Variants in DHRS9 observed in about 807,000 individuals in gnomAD.
DHRS9 encodes the protein dehydrogenase/reductase SDR family member 9.
Under a neutral mutation model 26.6 loss-of-function variants are expected in DHRS9, and 18 were observed. That is an observed-to-expected ratio of 0.68 (90% CI 0.47 to 1.00). The LOEUF (loss-of-function observed/expected upper bound fraction) is 1.00, where lower values mean the gene tolerates loss of function less well. DHRS9 is among the 50% of genes least tolerant of loss of function. The pLI, the probability that DHRS9 is intolerant of heterozygous loss-of-function variation, is 0.00. For missense variants in DHRS9, 425 were observed against 378.7 expected (o/e 1.12, Z -1.01); for synonymous variants, 134 against 141.1 (o/e 0.95, Z 0.36).
intron 1 of DHRS9, among the ~76,000 whole-genome samples, chr2:169,074,026 A>G (rs1683888646): frequency 2.6e-5 from 4 of 152,172 alleles, no homozygotes; most frequent in Admixed American, 2.6e-4. Flanking sequence ...TAAACATGCT[A>G]AATGCACAGG....
At chr2:169,072,155 T>C (rs1683827132) in intron 1 of DHRS9, among the ~76,000 whole-genome samples, 3 of 152,184 alleles carry the variant, frequency 2.0e-5, no homozygotes, top group Non-Finnish European at 4.4e-5. Context: ...TCAGTGGCTT[T>C]CAGTATTCAG....
At chr2:169,068,908 T>C (rs7606546), upstream of DHRS9, among the ~76,000 whole-genome samples, 1,735 of 152,248 alleles carry the variant, frequency 0.011, 28 homozygotes, top group African/African-American at 0.036. Context: ...GCCTCAGTAC[T>C]TTCCACTGTG....
Position 169,081,548 on chromosome 2 carries a change from G to T in DHRS9, c.-34G>T, listed in dbSNP as rs1490653139. ...GACACCATCTTCTTGTATTATACAA[G>T]AAAGGAGTGTACCTATCACACACAG... is the stretch of plus-strand genomic sequence containing the variant. On this transcript the variant is annotated 5_prime_UTR_variant, in exon 2 of 5. Transcript: ENST00000674881. 18 of 1,591,990 alleles carry T rather than the reference G, an allele frequency of 1.1e-5. No individual in the cohort carries two copies. The highest frequency in any genetic ancestry group is 1.5e-5 in the Non-Finnish European group (18 of 1,172,410).
At position 169,079,892 on chromosome 2, in the gene DHRS9, AGAGAGG is replaced by A. The variant is rs1330264952; in HGVS notation, c.-59-1627_-59-1622del. Among the ~76,000 whole-genome samples the A allele has an allele frequency of 1.0e-3, 98 of 97,014 alleles. 3 individuals are homozygous for A. Among genetic ancestry groups the A allele is most frequent in the African/African-American group, 4.5e-3 (89 of 19,682 alleles). 63.6% of individuals were successfully genotyped at this position (97,014 alleles called of 152,430 possible). On this transcript the variant is annotated intron_variant, in intron 1 of 4. Coordinates refer to ENST00000674881, the MANE Select transcript of DHRS9 (RefSeq NM_001376924.1). ...AAGAAAGAAAGAAAGAAAGAGAGAGAGAGAGGGAGGGAGGGAGGGAGGGAGGGGGAG... is the reference window on the plus strand; with the variant it reads ...AAGAAAGAAAGAAAGAAAGAGAGAGAGAGGGAGGGAGGGAGGGAGGGGGAG...
chr2:169,091,075 A>G (rs999334565), intron 3 of DHRS9, among the ~76,000 whole-genome samples: 1 of 152,048 alleles, frequency 6.6e-6, no homozygotes, highest in African/African-American at 2.4e-5. Flanking sequence ...TTGACATAGG[A>G]TATTTTCAAC....
rs749112917 is a variant in DHRS9, at chr2:169,091,891, C to T, written c.674C>T (p.Ala225Val). The stretch of plus-strand genomic sequence containing the variant: ...GTAAAGGTAATTGAAAAAAAACTCG[C>T]CATTTGGGAGCAGCTGTCTCCAGAC... ...DPVKVIEKKL[A>V]IWEQLSPDIK... is the part of the protein sequence containing the mutation. Residue 225 changes from alanine to valine, a missense_variant, in exon 4 of 5, where the codon GCC (alanine) becomes GTC (valine). By Grantham distance (64) the Ala-to-Val change is moderately conservative (BLOSUM62 0). Coordinates refer to ENST00000674881, the MANE Select transcript of DHRS9 (RefSeq NM_001376924.1). 1.2e-6 allele frequency: 2 copies of T among 1,613,868 alleles called. No individual in the cohort carries two copies. Among genetic ancestry groups the T allele is most frequent in the Admixed American group, 1.7e-5 (1 of 59,956 alleles).
chr2:169,080,353 A>G (rs1002831535), intron 1 of DHRS9, among the ~76,000 whole-genome samples: 11 of 152,252 alleles, frequency 7.2e-5, no homozygotes, highest in South Asian at 2.1e-4. Context: ...CAGAGAGCCA[A>G]CACAGACCTG....
At chr2:169,081,426 C>A in intron 1 of DHRS9, 97 bp from the exon 2 acceptor site, 1 of 1,338,930 alleles carries the variant, frequency 7.5e-7, no homozygotes, top group South Asian at 1.7e-5. Context: ...TCTATTTATC[C>A]ACACTAATGC....
chr2:169,067,630 AT>A (rs367555525), upstream of DHRS9, among the ~76,000 whole-genome samples: 533 of 150,088 alleles, frequency 3.6e-3, 3 homozygotes, highest in African/African-American at 0.012. Flanking sequence ...TTGGTTCCAG[AT>A]TTTTTTTTTA....
chr2:169,084,216 G>T (rs564096582), intron 3 of DHRS9, among the ~76,000 whole-genome samples: 1 of 152,110 alleles, frequency 6.6e-6, no homozygotes, highest in Admixed American at 6.5e-5. Context: ...TATATATACT[G>T]CATTTTCCTT....
intron 1 of DHRS9, among the ~76,000 whole-genome samples, chr2:169,069,960 CT>C (rs1228137144): frequency 6.6e-6 from 1 of 152,148 alleles, no homozygotes; most frequent in Non-Finnish European, 1.5e-5. Flanking sequence ...TTTGAATGTC[CT>C]TTAGCACCCT....
At chr2:169,094,878 C>A (rs1194714878) in intron 4 of DHRS9, among the ~76,000 whole-genome samples, 1 of 152,126 alleles carries the variant, frequency 6.6e-6, no homozygotes, top group Non-Finnish European at 1.5e-5. Context: ...CTAAAGGTAT[C>A]TTCGCTCATT....
At position 169,095,980 on chromosome 2, in the gene DHRS9, A is replaced by G. The variant is rs1684687046; in HGVS notation, c.*213A>G. On this transcript the variant is annotated 3_prime_UTR_variant, in exon 5 of 5. Coordinates refer to ENST00000674881, the MANE Select transcript of DHRS9 (RefSeq NM_001376924.1). ...AAGGAGGGCTGGAATGGTACATCACATAGGCAAGTCCTGCCCTGTATTTAG... is the reference window on the plus strand; with the variant it reads ...AAGGAGGGCTGGAATGGTACATCACGTAGGCAAGTCCTGCCCTGTATTTAG... 10 of 582,932 alleles carry G rather than the reference A, an allele frequency of 1.7e-5. No homozygotes were observed. The highest frequency in any genetic ancestry group is 3.1e-5 in the Non-Finnish European group (10 of 326,628). 36.1% of individuals were successfully genotyped at this position (582,932 alleles called of 1,614,324 possible).
At chr2:169,082,791 T>C (rs1684230043) in intron 2 of DHRS9, among the ~76,000 whole-genome samples, 1 of 144,966 alleles carries the variant, frequency 6.9e-6, no homozygotes, top group African/African-American at 2.6e-5. Context: ...GCAGGAAAAA[T>C]AGATCAATTT....
Position 169,095,537 on chromosome 2 carries a change from T to C in DHRS9, c.737-7T>C. Reference sequence around the variant, plus strand: ...CAAAGAGTAAATGTACTTTTGTCTCTTTTTAGGTCTAGACAAACTGAAAGG... The same window carrying C: ...CAAAGAGTAAATGTACTTTTGTCTCCTTTTAGGTCTAGACAAACTGAAAGG... On this transcript the variant is annotated splice_region_variant and splice_polypyrimidine_tract_variant and intron_variant, in intron 4 of 4. Transcript: ENST00000674881. 6.2e-7 allele frequency: 1 copy of C among 1,611,234 alleles called. No individual in the cohort carries two copies. Among genetic ancestry groups the C allele is most frequent in the Non-Finnish European group, 8.5e-7 (1 of 1,177,468 alleles).
upstream of DHRS9, chr2:169,067,167 C>G (rs1161447809): frequency 6.5e-7 from 1 of 1,535,610 alleles, no homozygotes; most frequent in South Asian, 1.2e-5. Context: ...GAAGAAGCCA[C>G]TGTGCATGCT....
chr2:169,087,982 C>G (rs539149095), intron 3 of DHRS9, among the ~76,000 whole-genome samples: 2 of 152,100 alleles, frequency 1.3e-5, no homozygotes, highest in Non-Finnish European at 2.9e-5. Context: ...CAAGCACTCT[C>G]CTGGCTGCCC....
At chr2:169,075,164 A>C (rs1290364458) in intron 1 of DHRS9, among the ~76,000 whole-genome samples, 2 of 152,182 alleles carry the variant, frequency 1.3e-5, no homozygotes, top group East Asian at 3.8e-4. Flanking sequence ...ATGACATCCA[A>C]AGTAGCCTAA....
rs2105292933 is a variant in DHRS9, at chr2:169,083,396, A to G, written c.381A>G (p.Leu127=). ...GVLAPTDWLT[L]EDYREPIEVN... ...TGGCTCCCACTGACTGGCTGACACTAGAGGACTACAGAGAACCTATTGAAG... is the reference window on the plus strand; with the variant it reads ...TGGCTCCCACTGACTGGCTGACACTGGAGGACTACAGAGAACCTATTGAAG... The change falls in exon 3 of 5, where the codon CTA becomes CTG. Residue 127 remains leucine (L), a synonymous_variant. Coordinates refer to ENST00000674881, the MANE Select transcript of DHRS9 (RefSeq NM_001376924.1). 2 of 1,614,154 alleles carry G rather than the reference A, an allele frequency of 1.2e-6. No homozygotes were observed. The highest frequency in any genetic ancestry group is 1.7e-6 in the Non-Finnish European group (2 of 1,179,994).
Sources: gnomAD v4.1 joint callset for allele counts (sites outside exome capture counted in the v4.1 genomes callset) on GRCh38, gnomAD v4.1.1 for gene constraint, MANE v1.5 for transcripts, NCBI Gene and HGNC (gene_info 2026-07-23, HGNC 2026-07-21) for gene names.